The following VTI1A variants were observed in gnomAD, a reference collection of about 807,000 sequenced individuals.
The protein encoded by VTI1A is vesicle transport through interaction with t-SNAREs homolog 1A.
A neutral mutation model predicts 34.9 loss-of-function variants in VTI1A; 22 were observed. The observed-to-expected ratio is 0.63, with a 90% CI of 0.45 to 0.90. VTI1A has a LOEUF of 0.90. Among genes scored for constraint, VTI1A ranks in the 40% least tolerant of loss-of-function variants. The pLI is 0.00. For synonymous variants in VTI1A, 87 were observed against 97.3 expected, an observed-to-expected ratio of 0.89 and a Z score of 0.62; for missense variants, 268 against 275.6, an observed-to-expected ratio of 0.97 and a Z score of 0.20.
intron 5 of VTI1A, among the ~76,000 whole-genome samples, chr10:112,584,962 A>G (rs946465459): frequency 5.3e-5 from 8 of 152,212 alleles, no homozygotes; most frequent in Non-Finnish European, 1.0e-4. Flanking sequence ...TTGAAAACAG[A>G]ATTGTGAAAA....
Position 112,803,564 on chromosome 10 carries a change from A to G in VTI1A, c.561-11726A>G, listed in dbSNP as rs79053626. Among the ~76,000 whole-genome samples, 1,036 of 152,340 alleles carry G rather than the reference A, an allele frequency of 6.8e-3. 5 individuals are homozygous for G. The highest frequency in any genetic ancestry group is 0.011 in the Non-Finnish European group (776 of 68,032). The stretch of plus-strand genomic sequence containing the variant: ...GTGCCGCAGATGGCTGACCCTGGGC[A>G]TATCTCTTCCCCTCTCACAGCCTCA... On this transcript the variant is annotated intron_variant, in intron 7 of 7. Coordinates refer to ENST00000393077, the MANE Select transcript of VTI1A (RefSeq NM_145206.4).
chr10:112,741,794 CT>C (rs973674885), intron 7 of VTI1A, among the ~76,000 whole-genome samples: 1 of 151,910 alleles, frequency 6.6e-6, no homozygotes, highest in Non-Finnish European at 1.5e-5. Flanking sequence ...TAGCTTATAT[CT>C]TTTTTTTCTT....
chr10:112,493,359 T>C (rs547295297), intron 3 of VTI1A, among the ~76,000 whole-genome samples: 1 of 152,296 alleles, frequency 6.6e-6, no homozygotes. Context: ...TAGTTTTCTT[T>C]GTTGATTCTT....
At chr10:112,527,776 CAAAAAATA>C (rs1850288069) in intron 4 of VTI1A, among the ~76,000 whole-genome samples, 1 of 151,298 alleles carries the variant, frequency 6.6e-6, no homozygotes, top group African/African-American at 2.4e-5. Context: ...CTGCGTAGGC[CAAAAAATA>C]AGATACAGTT....
the VTI1A span, among the ~76,000 whole-genome samples, chr10:112,833,396 C>G: frequency 6.6e-6 from 1 of 152,032 alleles, no homozygotes; most frequent in African/African-American, 2.4e-5. Context: ...GACCATCATT[C>G]TCTTCCCTGC....
intron 5 of VTI1A, among the ~76,000 whole-genome samples, chr10:112,597,693 CTTTTTT>C: frequency 1.1e-5 from 1 of 90,634 alleles, no homozygotes; most frequent in South Asian, 4.1e-4. Flanking sequence ...GACCTTGTCT[CTTTTTT>C]TTTTTTTTTT....
chr10:112,760,828 G>T (rs1851436985), intron 7 of VTI1A, among the ~76,000 whole-genome samples: 1 of 148,238 alleles, frequency 6.7e-6, no homozygotes, highest in Non-Finnish European at 1.5e-5. Context: ...GGCAGAGGTT[G>T]CAGTGAGCGG....
At chr10:112,532,525 AAC>A (rs377144484) in intron 4 of VTI1A, among the ~76,000 whole-genome samples, 1 of 152,070 alleles carries the variant, frequency 6.6e-6, no homozygotes, top group African/African-American at 2.4e-5. Context: ...AATAATGTCA[AAC>A]ACACACACAC....
At chr10:112,721,529 T>C (rs1051018815) in intron 7 of VTI1A, among the ~76,000 whole-genome samples, 7 of 152,254 alleles carry the variant, frequency 4.6e-5, no homozygotes, top group African/African-American at 1.7e-4. Flanking sequence ...TTTGTTTTTA[T>C]GTACTTTTAA....
intron 7 of VTI1A, among the ~76,000 whole-genome samples, chr10:112,725,832 T>C (rs1202766507): frequency 1.3e-5 from 2 of 152,150 alleles, no homozygotes; most frequent in African/African-American, 2.4e-5. Context: ...CCTTGGACTT[T>C]TATCTATTTT....
intron 5 of VTI1A, among the ~76,000 whole-genome samples, chr10:112,570,091 A>G (rs1852061703): frequency 6.6e-6 from 1 of 152,192 alleles, no homozygotes; most frequent in Non-Finnish European, 1.5e-5. Context: ...ATACAATTAT[A>G]TGGCCCTTGC....
the VTI1A span, among the ~76,000 whole-genome samples, chr10:112,846,931 A>T: frequency 2.6e-5 from 4 of 152,218 alleles, no homozygotes; most frequent in Admixed American, 2.0e-4. Context: ...AGGAAGTCTC[A>T]CCAGGTGAAG....
At chr10:112,592,061 A>G (rs946326843) in intron 5 of VTI1A, among the ~76,000 whole-genome samples, 4 of 152,206 alleles carry the variant, frequency 2.6e-5, no homozygotes, top group Non-Finnish European at 5.9e-5. Context: ...TAAGGGGCCA[A>G]GAGAGTTCGC....
chr10:112,752,104 A>G (rs922483843), intron 7 of VTI1A, among the ~76,000 whole-genome samples: 1 of 152,248 alleles, frequency 6.6e-6, no homozygotes, highest in African/African-American at 2.4e-5. Flanking sequence ...AACCAAAGTC[A>G]TGGTATAGAC....
intron 1 of VTI1A, chr10:112,450,693 ATTT>A (rs1197105125): frequency 1.3e-5 from 2 of 152,192 alleles, no homozygotes; most frequent in Non-Finnish European, 2.9e-5. Flanking sequence ...ACTCTGTGAT[ATTT>A]TTTAAACAAT....
intron 7 of VTI1A, among the ~76,000 whole-genome samples, chr10:112,813,134 C>G (rs147164272): frequency 7.5e-4 from 114 of 152,270 alleles, no homozygotes; most frequent in African/African-American, 2.6e-3. Context: ...AGCAACAGAG[C>G]GGGCGGTGGA....
At chr10:112,488,820 T>G (rs1207040448) in intron 3 of VTI1A, among the ~76,000 whole-genome samples, 1 of 152,218 alleles carries the variant, frequency 6.6e-6, no homozygotes, top group East Asian at 1.9e-4. Flanking sequence ...AAGGAAGCAC[T>G]GTTGGGGAAT....
At chr10:112,606,566 G>T (rs1029058809) in intron 5 of VTI1A, among the ~76,000 whole-genome samples, 3 of 152,236 alleles carry the variant, frequency 2.0e-5, no homozygotes, top group Non-Finnish European at 4.4e-5. Context: ...CTTTCTCATT[G>T]CCTTGTGCAC....
At chr10:112,699,198 C>T (rs549773359) in intron 7 of VTI1A, among the ~76,000 whole-genome samples, 52 of 152,356 alleles carry the variant, frequency 3.4e-4, no homozygotes, top group Admixed American at 5.9e-4. Context: ...CTAACTACCT[C>T]CTCCTCACTC....
Sources: allele counts gnomAD v4.1 joint callset (sites outside exome capture counted in the v4.1 genomes callset), GRCh38; gene constraint gnomAD v4.1.1; transcripts MANE v1.5; gene names NCBI Gene and HGNC (gene_info 2026-07-23, HGNC 2026-07-21).